Variants in ZNG1A observed in about 807,000 individuals in gnomAD.
ZNG1A encodes the protein Zn regulated GTPase metalloprotein activator 1A.
the ZNG1A span, chr9:167,596 C>T: frequency 3.3e-5 from 5 of 149,846 alleles, no homozygotes; most frequent in Non-Finnish European, 5.9e-5. Flanking sequence ...AATGGAGAAG[C>T]AACAGTACTG....
At chr9:177,579 T>G in the ZNG1A span, 5 of 1,470,892 alleles carry the variant, frequency 3.4e-6, no homozygotes, top group African/African-American at 5.7e-5. Context: ...AAAAATGTAG[T>G]AGAAGCCAAA....
At chr9:149,375 T>C in the ZNG1A span, 1 of 151,480 alleles carries the variant, frequency 6.6e-6, no homozygotes, top group African/African-American at 2.4e-5. Flanking sequence ...TTCTAAAAAA[T>C]TCAAAGGTCC....
the ZNG1A span, among the ~76,000 whole-genome samples, chr9:145,783 C>G: frequency 1.0e-3 from 153 of 151,598 alleles, no homozygotes; most frequent in African/African-American, 3.6e-3. Flanking sequence ...TGTGAAAACG[C>G]TAAGCTAAAA....
chr9:161,155 A>G, the ZNG1A span, among the ~76,000 whole-genome samples: 283 of 152,284 alleles, frequency 1.9e-3, no homozygotes, highest in African/African-American at 6.2e-3. Context: ...AGATTTGGGG[A>G]AAAAAAGCAA....
At chr9:161,905 A>C in the ZNG1A span, among the ~76,000 whole-genome samples, 1 of 151,566 alleles carries the variant, frequency 6.6e-6, no homozygotes, top group Middle Eastern at 3.4e-3. Flanking sequence ...TTCAATATGT[A>C]CTTTTTAAAT....
the ZNG1A span, chr9:135,168 T>C: frequency 6.6e-7 from 1 of 1,504,930 alleles, no homozygotes; most frequent in Non-Finnish European, 8.9e-7. Flanking sequence ...TTTTACAAGT[T>C]GTTCGCAAAT....
the ZNG1A span, among the ~76,000 whole-genome samples, chr9:161,888 G>A: frequency 2.6e-5 from 4 of 151,526 alleles, no homozygotes; most frequent in Non-Finnish European, 5.9e-5. Flanking sequence ...TGTATATCCT[G>A]ATTTTCTTCA....
At chr9:171,377 G>A in the ZNG1A span, among the ~76,000 whole-genome samples, 1 of 152,066 alleles carries the variant, frequency 6.6e-6, no homozygotes, top group African/African-American at 2.4e-5. Context: ...CACAGAATAA[G>A]CACTAACTTT....
At chr9:128,838 T>C in the ZNG1A span, among the ~76,000 whole-genome samples, 1 of 150,596 alleles carries the variant, frequency 6.6e-6, no homozygotes, top group Admixed American at 6.6e-5. Context: ...GGCTGAAGGT[T>C]GTTGTTCAGA....
the ZNG1A span, among the ~76,000 whole-genome samples, chr9:168,546 C>A: frequency 6.6e-6 from 1 of 150,552 alleles, no homozygotes; most frequent in Non-Finnish European, 1.5e-5. Flanking sequence ...GCCACCGAGC[C>A]CGGCCAGCAA....
At chr9:157,313 C>T in the ZNG1A span, among the ~76,000 whole-genome samples, 1 of 146,768 alleles carries the variant, frequency 6.8e-6, no homozygotes, top group South Asian at 2.2e-4. Context: ...CCTCATAATC[C>T]TGTTTACATC....
the ZNG1A span, among the ~76,000 whole-genome samples, chr9:139,095 A>G: frequency 6.8e-6 from 1 of 148,148 alleles, no homozygotes; most frequent in Non-Finnish European, 1.5e-5. Flanking sequence ...ATTATTTGCA[A>G]TAGCCAAGCT....
chr9:133,333 T>C, the ZNG1A span, among the ~76,000 whole-genome samples: 21 of 112,904 alleles, frequency 1.9e-4, 1 homozygote, highest in African/African-American at 7.6e-4. Context: ...AGATATGCCC[T>C]ATTTAGTAGT....
the ZNG1A span, among the ~76,000 whole-genome samples, chr9:142,437 T>C: frequency 3.0e-4 from 34 of 113,182 alleles, no homozygotes; most frequent in East Asian, 7.6e-3. Context: ...TGCTCCTGAA[T>C]GACTACTGGG....
the ZNG1A span, chr9:146,391 G>A: frequency 2.6e-6 from 1 of 379,554 alleles, no homozygotes. Context: ...AAATTTATGA[G>A]CTTTTCAAAT....
At chr9:125,148 T>C in the ZNG1A span, among the ~76,000 whole-genome samples, 1 of 152,180 alleles carries the variant, frequency 6.6e-6, no homozygotes, top group African/African-American at 2.4e-5. Context: ...TCCATAGTGG[T>C]TGTACTAGTT....
chr9:151,437 C>T, the ZNG1A span: 4 of 562,806 alleles, frequency 7.1e-6, no homozygotes, highest in African/African-American at 2.2e-4. Context: ...CCTTTCTCAC[C>T]AAAAAAAAAA....
the ZNG1A span, among the ~76,000 whole-genome samples, chr9:168,670 T>C: frequency 6.8e-6 from 1 of 148,070 alleles, no homozygotes; most frequent in South Asian, 2.2e-4. Flanking sequence ...ACAGGCTGAC[T>C]CTCTTGTTAG....
At chr9:160,773 T>C in the ZNG1A span, among the ~76,000 whole-genome samples, 1 of 145,414 alleles carries the variant, frequency 6.9e-6, no homozygotes, top group African/African-American at 2.6e-5. Context: ...CAGTTATCTG[T>C]CACATAGGTA....
Sources: allele counts gnomAD v4.1 joint callset (sites outside exome capture counted in the v4.1 genomes callset), GRCh38; gene constraint gnomAD v4.1.1; transcripts MANE v1.5; gene names NCBI Gene and HGNC (gene_info 2026-07-23, HGNC 2026-07-21).